PC: variants seen among roughly 807,000 people sequenced by gnomAD.
The protein encoded by PC is pyruvate carboxylase.
A neutral mutation model predicts 107.8 loss-of-function variants in PC; 46 were observed. The ratio of observed to expected loss-of-function variants is 0.43; its 90% CI spans 0.34 to 0.55. PC has a LOEUF of 0.55. PC is among the 20% of genes least tolerant of loss of function. The probability of loss-of-function intolerance (pLI) is 0.04; values close to 1 mark genes in which losing one functional copy is unlikely to be tolerated. For missense variants in PC, 1,241 were observed against 1,643.1 expected (o/e 0.76, Z 4.23); for synonymous variants, 662 against 684.7 (o/e 0.97, Z 0.52).
chr11:66,865,328 C>G (rs1196905279), intron 11 of PC, among the ~76,000 whole-genome samples: 3 of 152,262 alleles, frequency 2.0e-5, no homozygotes, highest in African/African-American at 7.2e-5. Flanking sequence ...GCCTTGGACT[C>G]TGGAGCAAAG....
intron 3 of PC, among the ~76,000 whole-genome samples, chr11:66,948,084 A>G (rs1949348147): frequency 6.6e-6 from 1 of 151,482 alleles, no homozygotes. Context: ...GTAGTGGCAC[A>G]CACCTGTAGT....
At chr11:66,863,263 C>G (rs1240671064) in intron 12 of PC, among the ~76,000 whole-genome samples, 1 of 152,126 alleles carries the variant, frequency 6.6e-6, no homozygotes, top group African/African-American at 2.4e-5. Context: ...TCGCTTGAAC[C>G]CAGGAGGCAG....
intron 3 of PC, among the ~76,000 whole-genome samples, chr11:66,916,724 G>C (rs982340451): frequency 7.9e-5 from 12 of 152,088 alleles, no homozygotes; most frequent in African/African-American, 2.7e-4. Flanking sequence ...GGAGGCCGAG[G>C]CGTGCGGATC....
chr11:66,859,667 G>A (rs2135876267), intron 12 of PC: 1 of 1,613,060 alleles, frequency 6.2e-7, no homozygotes, highest in Non-Finnish European at 8.5e-7. Flanking sequence ...ACCACTTCCT[G>A]CTGAAGCACC....
intron 3 of PC, among the ~76,000 whole-genome samples, chr11:66,923,599 C>T (rs1054621864): frequency 3.3e-5 from 5 of 151,856 alleles, no homozygotes; most frequent in South Asian, 2.1e-4. Context: ...CTGCAACCTC[C>T]GCCTCCCAGA....
chr11:66,855,695 A>C (rs1440123724), intron 12 of PC, among the ~76,000 whole-genome samples: 1 of 152,206 alleles, frequency 6.6e-6, no homozygotes, highest in Non-Finnish European at 1.5e-5. Flanking sequence ...CCCTCATTTT[A>C]CAAACGCCAC....
Position 66,852,055 on chromosome 11 carries a change from CTCA to C in PC, c.1826-112_1826-110del. ...CCTCTGGCCCCAATACCAGGTCCTG[CTCA>C]TCTTCGCCATACCTGTGTTCCCTGC... On this transcript the variant is annotated intron_variant, in intron 15 of 22. Coordinates refer to ENST00000393960, the MANE Select transcript of PC (RefSeq NM_001040716.2). The surrounding 1 kb of genome is among the most constrained non-coding windows in gnomAD (Gnocchi z 4.7). The C allele has an allele frequency of 8.8e-7, 1 of 1,135,380 alleles. No homozygotes were observed. The highest frequency in any genetic ancestry group is 2.0e-5 in the Admixed American group (1 of 50,204). The allele number at this position is 1,135,380 out of a possible 1,614,324, so 70.3% of individuals were successfully genotyped here. A position where few individuals can be genotyped will look rare whatever the true frequency, so the allele number is the denominator to read the frequency against.
intron 3 of PC, among the ~76,000 whole-genome samples, chr11:66,908,817 G>A (rs565452433): frequency 1.3e-5 from 2 of 152,118 alleles, no homozygotes; most frequent in African/African-American, 2.4e-5. Context: ...CGATGTCCCC[G>A]AGAACACGCG....
chr11:66,883,424 T>G (rs867536581), intron 3 of PC, among the ~76,000 whole-genome samples: 2 of 152,250 alleles, frequency 1.3e-5, no homozygotes, highest in South Asian at 4.1e-4. Context: ...CTTGTCCCCA[T>G]TCCTCCACAT....
chr11:66,858,421 C>G lies in PC; in HGVS notation c.1369-5038G>C. On this transcript the variant is annotated intron_variant, in intron 12 of 22. Transcript: ENST00000393960. The surrounding 1 kb of genome is among the most constrained non-coding windows in gnomAD (Gnocchi z 5.9). Reference sequence around the variant, plus strand: ...CGTGATGCAGAGGCCTCTCCCGCCCCCCTGGTGCTGAGCTTTAGCGGGAAC... The same window carrying G: ...CGTGATGCAGAGGCCTCTCCCGCCCGCCTGGTGCTGAGCTTTAGCGGGAAC... 22 of 1,555,352 alleles carry G rather than the reference C, an allele frequency of 1.4e-5. No homozygotes were observed. Among genetic ancestry groups the G allele is most frequent in the Non-Finnish European group, 1.8e-5 (21 of 1,156,472 alleles).
chr11:66,879,484 G>C (rs759735208), intron 3 of PC, among the ~76,000 whole-genome samples: 4 of 152,220 alleles, frequency 2.6e-5, no homozygotes, highest in Non-Finnish European at 5.9e-5. Flanking sequence ...CCCTGTACCG[G>C]CCTTCAGTGC....
intron 3 of PC, among the ~76,000 whole-genome samples, chr11:66,935,559 G>C (rs1948976326): frequency 6.6e-6 from 1 of 152,154 alleles, no homozygotes; most frequent in South Asian, 2.1e-4. Flanking sequence ...AGGGTCTCAG[G>C]TTGGTCTTTT....
chr11:66,849,574 C>T (rs1283600613), intron 21 of PC, 37 bp downstream of exon 21: 1 of 1,613,666 alleles, frequency 6.2e-7, no homozygotes, highest in East Asian at 2.2e-5. Flanking sequence ...GGGCAGGGGG[C>T]CAGGGTGGAG....
chr11:66,854,234 A>G (rs1945674202), intron 12 of PC, among the ~76,000 whole-genome samples: 1 of 152,164 alleles, frequency 6.6e-6, no homozygotes, highest in East Asian at 1.9e-4. Context: ...GGCCACCTCC[A>G]GCCACATCAA....
rs1288844658 is a variant in PC, at chr11:66,858,154, C to T, written c.1369-4771G>A. ...GGCAACCAGCTGGGCCGCATCGCGC[C>T]GGGAGCCTTCGACGACTTCCTAGAG... is the stretch of plus-strand genomic sequence containing the variant. On this transcript the variant is annotated intron_variant, in intron 12 of 22. Transcript: ENST00000393960. This position sits in a 1 kb window ranked among gnomAD's most constrained non-coding sequence, Gnocchi z 5.9. The T allele has an allele frequency of 1.9e-6, 3 of 1,610,774 alleles. No homozygotes were observed. Among genetic ancestry groups the T allele is most frequent in the African/African-American group, 1.3e-5 (1 of 75,028 alleles).
chr11:66,850,854 C>T lies in PC; in HGVS notation c.2293G>A (p.Asp765Asn), dbSNP rs752259842. ...TGGGTGTGGATGTGCAGTGGGAGGT[C>T]GGGGAAGCGGTCCCGGAGGGAGCTG... ...LVSSLRDRFP[D>N]LPLHIHTHDT... is the part of the protein sequence containing the mutation. Residue 765 changes from aspartate to asparagine, a missense_variant, in exon 18 of 23, where the codon GAC (aspartate) becomes AAC (asparagine). Transcript: ENST00000393960. 2.2e-5 allele frequency: 35 copies of T among 1,611,624 alleles called. No individual in the cohort carries two copies. Among genetic ancestry groups the T allele is most frequent in the African/African-American group, 4.0e-5 (3 of 74,914 alleles).
chr11:66,883,720 T>C (rs1947262979), intron 3 of PC, among the ~76,000 whole-genome samples: 1 of 152,096 alleles, frequency 6.6e-6, no homozygotes, highest in Non-Finnish European at 1.5e-5. Flanking sequence ...CAGAACTAAA[T>C]AAATGTCTGA....
At chr11:66,899,828 T>C (rs1343581549) in intron 3 of PC, among the ~76,000 whole-genome samples, 1 of 152,246 alleles carries the variant, frequency 6.6e-6, no homozygotes, top group East Asian at 1.9e-4. Flanking sequence ...AATCATTGCC[T>C]AACCTAAGGT....
chr11:66,850,742 G>T lies in PC; in HGVS notation c.2405C>A (p.Ser802Tyr). The change falls in exon 18 of 23, where the codon TCT (serine) becomes TAT (tyrosine). Residue 802 changes from serine (S) to tyrosine (Y), a missense_variant. Around this residue, in one of 2 missense-constraint regions of PC, gnomAD observed 1,143 missense variants for 1,551.9 expected, o/e 0.74. Coordinates refer to ENST00000393960, the MANE Select transcript of PC (RefSeq NM_001040716.2). ...CATGCTGGGCTGTGAAGTCATCCCA[G>T]ACATGGAATCAGCTGCCACATCCAC... ...DVVDVAADSM[S>Y]GMTSQPSMGA... 2 of 1,611,584 alleles carry T rather than the reference G, an allele frequency of 1.2e-6. No individual in the cohort carries two copies. Among genetic ancestry groups the T allele is most frequent in the Non-Finnish European group, 8.5e-7 (1 of 1,179,944 alleles).
Sources: gnomAD v4.1 joint callset for allele counts (sites outside exome capture counted in the v4.1 genomes callset) on GRCh38, gnomAD v4.1.1 for gene constraint, gnomAD v4.1.1 regional missense constraint, Gnocchi (gnomAD v3.1) non-coding constraint, MANE v1.5 for transcripts, NCBI Gene and HGNC (gene_info 2026-07-23, HGNC 2026-07-21) for gene names.